Variants in NEGR1 observed in about 807,000 individuals in gnomAD.
The protein encoded by NEGR1 is IgLON family member 4.
A neutral mutation model predicts 40.9 loss-of-function variants in NEGR1; 10 were observed. That is an observed-to-expected ratio of 0.24 (90% CI 0.15 to 0.42). The LOEUF (loss-of-function observed/expected upper bound fraction) is 0.42. Ranked by LOEUF, NEGR1 falls within the 10% of genes least tolerant of loss-of-function variation. The pLI, the probability that NEGR1 is intolerant of heterozygous loss-of-function variation, is 1.00. For missense variants in NEGR1, 352 were observed against 438.9 expected (o/e 0.80, Z 1.77); for synonymous variants, 185 against 166.8 (o/e 1.11, Z -0.84).
At chr1:72,023,673 C>T (rs964422487) in intron 1 of NEGR1, among the ~76,000 whole-genome samples, 1 of 124,972 alleles carries the variant, frequency 8.0e-6, no homozygotes, top group African/African-American at 3.0e-5. Context: ...TAACAAATAA[C>T]ACAAGAACAA....
chr1:71,944,449 T>C (rs1326458048), intron 1 of NEGR1, among the ~76,000 whole-genome samples: 1 of 152,178 alleles, frequency 6.6e-6, no homozygotes, highest in African/African-American at 2.4e-5. Context: ...GGACATGGAC[T>C]TCTCTAGTAA....
chr1:71,873,974 A>G (rs1660353450), intron 2 of NEGR1, among the ~76,000 whole-genome samples: 1 of 152,182 alleles, frequency 6.6e-6, no homozygotes, highest in African/African-American at 2.4e-5. Context: ...ATTTGCTTCA[A>G]AGGATGCTCT....
At chr1:71,718,464 A>C (rs1457193529) in intron 3 of NEGR1, among the ~76,000 whole-genome samples, 1 of 152,170 alleles carries the variant, frequency 6.6e-6, no homozygotes, top group East Asian at 1.9e-4. Flanking sequence ...CAGAACTGTG[A>C]GTCAATTAAA....
At chr1:71,684,654 A>G (rs186434834) in intron 4 of NEGR1, among the ~76,000 whole-genome samples, 203 of 152,320 alleles carry the variant, frequency 1.3e-3, no homozygotes, top group African/African-American at 4.6e-3. Context: ...CTGTGTGGCC[A>G]TTCCAATGAG....
At chr1:71,582,820 G>A (rs1649180021) in intron 6 of NEGR1, among the ~76,000 whole-genome samples, 1 of 152,220 alleles carries the variant, frequency 6.6e-6, no homozygotes, top group Admixed American at 6.5e-5. Flanking sequence ...AAAGCGCACA[G>A]AATTGCCTGA....
chr1:72,161,061 T>C (rs1045256867), intron 1 of NEGR1, among the ~76,000 whole-genome samples: 5 of 152,164 alleles, frequency 3.3e-5, no homozygotes, highest in African/African-American at 9.7e-5. Context: ...GTTATCACTT[T>C]GAGCAGTTGT....
chr1:71,700,767 T>A (rs1653663486), intron 3 of NEGR1, among the ~76,000 whole-genome samples: 2 of 151,890 alleles, frequency 1.3e-5, no homozygotes, highest in South Asian at 4.1e-4. Flanking sequence ...TTCACTAAAG[T>A]GATTAGCTTA....
At chr1:71,821,502 A>T (rs1337531122) in intron 2 of NEGR1, among the ~76,000 whole-genome samples, 1 of 152,046 alleles carries the variant, frequency 6.6e-6, no homozygotes, top group East Asian at 1.9e-4. Context: ...GAAATGTACT[A>T]GTTGACACAC....
chr1:71,463,569 G>A (rs1204792189), intron 6 of NEGR1: 1 of 152,168 alleles, frequency 6.6e-6, no homozygotes, highest in African/African-American at 2.4e-5. Flanking sequence ...CTGATGTAAT[G>A]TGAGCAAGAA....
At chr1:71,584,139 T>C (rs899677220) in intron 6 of NEGR1, among the ~76,000 whole-genome samples, 12 of 152,198 alleles carry the variant, frequency 7.9e-5, no homozygotes, top group African/African-American at 1.2e-4. Context: ...AGTTAATTTG[T>C]ATCTCTGCAG....
At chr1:71,934,404 T>A (rs1164342793) in intron 2 of NEGR1, among the ~76,000 whole-genome samples, 1 of 152,098 alleles carries the variant, frequency 6.6e-6, no homozygotes, top group Non-Finnish European at 1.5e-5. Context: ...CTACTGAAAG[T>A]AAATCAAATA....
At chr1:72,044,286 C>T (rs1253711099) in intron 1 of NEGR1, among the ~76,000 whole-genome samples, 2 of 135,824 alleles carry the variant, frequency 1.5e-5, no homozygotes, top group Non-Finnish European at 3.1e-5. Context: ...TCTGTAAGTT[C>T]AATGATAAAT....
At chr1:71,981,145 A>G (rs1043565636) in intron 1 of NEGR1, among the ~76,000 whole-genome samples, 1 of 152,170 alleles carries the variant, frequency 6.6e-6, no homozygotes, top group Non-Finnish European at 1.5e-5. Context: ...TGAATCTAAT[A>G]GTAGAGAGAG....
intron 6 of NEGR1, among the ~76,000 whole-genome samples, chr1:71,579,701 T>G (rs1021147787): frequency 3.3e-4 from 50 of 151,820 alleles, no homozygotes; most frequent in Non-Finnish European, 6.0e-4. Flanking sequence ...CCTCCCCTGA[T>G]TCTAGCCAGG....
chr1:71,592,730 A>G (rs1649541973), intron 6 of NEGR1, 87 bp downstream of exon 6: 2 of 1,022,820 alleles, frequency 2.0e-6, no homozygotes, highest in Admixed American at 4.6e-5. Flanking sequence ...TTTAAAATGA[A>G]CGTACTCCAT....
intron 2 of NEGR1, among the ~76,000 whole-genome samples, chr1:71,888,365 G>A (rs929067718): frequency 2.0e-5 from 3 of 152,112 alleles, no homozygotes; most frequent in Non-Finnish European, 2.9e-5. Context: ...TGCGCCCACC[G>A]TGCGCGAGCC....
chr1:71,896,908 T>C (rs1405938948), intron 2 of NEGR1, among the ~76,000 whole-genome samples: 1 of 152,150 alleles, frequency 6.6e-6, no homozygotes, highest in Non-Finnish European at 1.5e-5. Context: ...TATGTCTGTT[T>C]TATAAATGAA....
chr1:72,051,168 G>A (rs138189311), intron 1 of NEGR1, among the ~76,000 whole-genome samples: 39 of 151,478 alleles, frequency 2.6e-4, no homozygotes, highest in African/African-American at 9.4e-4. Context: ...AAATTTCAGA[G>A]ACATATAATT....
At chr1:71,524,659 C>T (rs556558801) in intron 6 of NEGR1, among the ~76,000 whole-genome samples, 4 of 151,592 alleles carry the variant, frequency 2.6e-5, no homozygotes, top group African/African-American at 4.8e-5. Flanking sequence ...TTCTAATTCC[C>T]GAAACCTGGG....
Sources: allele counts gnomAD v4.1 joint callset (sites outside exome capture counted in the v4.1 genomes callset), GRCh38; gene constraint gnomAD v4.1.1; transcripts MANE v1.5; gene names NCBI Gene and HGNC (gene_info 2026-07-23, HGNC 2026-07-21).